Variants in ANK2 observed in about 807,000 individuals in gnomAD.
The protein encoded by ANK2 is ankyrin 2, also known as ankyrin-2.
Under a neutral mutation model 360.5 loss-of-function variants are expected in ANK2, and 83 were observed. The ratio of observed to expected loss-of-function variants is 0.23; its 90% confidence interval spans 0.19 to 0.28. The LOEUF is 0.28. ANK2 is among the 10% of genes least tolerant of loss of function. ANK2 has a pLI of 1.00. For missense variants in ANK2, 4,201 were observed against 4,795.7 expected, an observed-to-expected ratio of 0.88 and a Z score of 3.66; for synonymous variants, 1,740 against 1,759.5, an observed-to-expected ratio of 0.99 and a Z score of 0.28.
chr4:113,138,369 T>A (rs1005776330), intron 1 of ANK2, among the ~76,000 whole-genome samples: 3 of 152,250 alleles, frequency 2.0e-5, no homozygotes, highest in African/African-American at 7.2e-5. Flanking sequence ...AACTCTCTGA[T>A]GTCGGTGCAA....
At position 113,358,677 on chromosome 4, in the gene ANK2, C is replaced by T. The variant is rs1226202287; in HGVS notation, c.10059C>T (p.Pro3353=). Residue 3353 remains proline, a synonymous_variant, in exon 38 of 46, where the codon CCC becomes CCT. Coordinates refer to ENST00000357077, the MANE Select transcript of ANK2 (RefSeq NM_001148.6). ...KPKSKLPVKV[P]LQRVEQQLSD... ...AGTCCAAACTCCCTGTCAAAGTACC[C>T]CTCCAAAGAGTTGAACAGCAGCTCT... 1.9e-6 allele frequency: 3 copies of T among 1,613,956 alleles called. No individual in the cohort carries two copies. Among genetic ancestry groups the T allele is most frequent in the Non-Finnish European group, 8.5e-7 (1 of 1,179,936 alleles).
At chr4:112,911,188 CTT>C (rs751581640) in intron 2 of ANK2, among the ~76,000 whole-genome samples, 3 of 74,012 alleles carry the variant, frequency 4.1e-5, no homozygotes, top group Middle Eastern at 0.012. Context: ...CAAGATGGTG[CTT>C]TTTTTTTTTT....
chr4:113,177,584 A>T (rs2098265996), intron 2 of ANK2, among the ~76,000 whole-genome samples: 2 of 152,244 alleles, frequency 1.3e-5, no homozygotes, highest in South Asian at 4.1e-4. Context: ...TATAACAAAT[A>T]CATTAATTGT....
intron 2 of ANK2, among the ~76,000 whole-genome samples, chr4:112,920,032 C>G (rs186201290): frequency 6.6e-6 from 1 of 151,974 alleles, no homozygotes; most frequent in Non-Finnish European, 1.5e-5. Context: ...AGGGCCTTTT[C>G]AGATCATTTG....
At chr4:113,088,733 C>T (rs1333117058) in intron 1 of ANK2, among the ~76,000 whole-genome samples, 2 of 152,032 alleles carry the variant, frequency 1.3e-5, no homozygotes, top group South Asian at 2.1e-4. Flanking sequence ...ATGAATCCAC[C>T]GAACTGTCAC....
At chr4:112,740,104 A>G in the ANK2 span, among the ~76,000 whole-genome samples, 6 of 152,028 alleles carry the variant, frequency 3.9e-5, no homozygotes, top group Admixed American at 3.3e-4. Context: ...GTCTTTCTAA[A>G]TGTGGTTAGC....
intron 2 of ANK2, among the ~76,000 whole-genome samples, chr4:112,956,827 G>A (rs1344307431): frequency 6.6e-6 from 1 of 152,110 alleles, no homozygotes; most frequent in Non-Finnish European, 1.5e-5. Flanking sequence ...TCCTGATGCA[G>A]AAACTGAAAC....
intron 45 of ANK2, among the ~76,000 whole-genome samples, chr4:113,376,866 A>C (rs1350515206): frequency 7.1e-6 from 1 of 141,092 alleles, no homozygotes. Flanking sequence ...CTAGGCCTAC[A>C]CAAGGTCAGA....
At chr4:112,809,944 C>G in the ANK2 span, among the ~76,000 whole-genome samples, 1 of 150,930 alleles carries the variant, frequency 6.6e-6, no homozygotes, top group Non-Finnish European at 1.5e-5. Flanking sequence ...TACAACATTT[C>G]AAATATTAAA....
At chr4:112,885,496 C>CAA (rs11429383) in intron 1 of ANK2, among the ~76,000 whole-genome samples, 27,293 of 122,810 alleles carry the variant, frequency 0.22, 3,006 homozygotes, top group Non-Finnish European at 0.23. Context: ...AAGACTCCAT[C>CAA]AAAAAAAAAA....
At chr4:112,894,626 G>A (rs2081197749) in intron 1 of ANK2, among the ~76,000 whole-genome samples, 1 of 152,022 alleles carries the variant, frequency 6.6e-6, no homozygotes, top group African/African-American at 2.4e-5. Context: ...TAGAAAACAC[G>A]GTAAAATGCA....
chr4:112,705,646 G>A, the ANK2 span, among the ~76,000 whole-genome samples: 1 of 152,252 alleles, frequency 6.6e-6, no homozygotes, highest in South Asian at 2.1e-4. Flanking sequence ...AGCGCCCGCG[G>A]AGGAGCCTCC....
At chr4:112,812,437 C>T in the ANK2 span, among the ~76,000 whole-genome samples, 5 of 152,142 alleles carry the variant, frequency 3.3e-5, no homozygotes, top group African/African-American at 9.7e-5. Context: ...GAAATCCAAC[C>T]ACCCTGAAGC....
intron 35 of ANK2, 139 bp downstream of exon 35, chr4:113,346,161 CTGAT>C: frequency 5.9e-6 from 6 of 1,008,472 alleles, no homozygotes; most frequent in Non-Finnish European, 9.0e-6. Context: ...CCAACAAAGA[CTGAT>C]TGAAAGCATG....
the ANK2 span, among the ~76,000 whole-genome samples, chr4:112,727,320 G>A: frequency 2.0e-5 from 3 of 151,996 alleles, no homozygotes; most frequent in African/African-American, 7.2e-5. Context: ...TATGGTTGCT[G>A]TAAGGATTGA....
intron 4 of ANK2, among the ~76,000 whole-genome samples, chr4:113,229,273 G>A (rs1343947965): frequency 6.6e-6 from 1 of 152,176 alleles, no homozygotes; most frequent in African/African-American, 2.4e-5. Flanking sequence ...GAGGCTCTAG[G>A]TGAGAATCCC....
chr4:113,321,589 A>G (rs1307110547), intron 26 of ANK2, among the ~76,000 whole-genome samples: 1 of 152,208 alleles, frequency 6.6e-6, no homozygotes, highest in East Asian at 1.9e-4. Flanking sequence ...TCATCATACC[A>G]TGTCATGTAG....
intron 1 of ANK2, among the ~76,000 whole-genome samples, chr4:113,080,893 G>A (rs770848011): frequency 1.3e-5 from 2 of 152,140 alleles, no homozygotes; most frequent in Non-Finnish European, 2.9e-5. Flanking sequence ...AAGAGGATGG[G>A]CATAGGAAAG....
chr4:112,928,359 A>G (rs2092813138), intron 2 of ANK2, among the ~76,000 whole-genome samples: 1 of 151,652 alleles, frequency 6.6e-6, no homozygotes. Context: ...ATAGTATGAT[A>G]CTGTGGTATG....
Sources: gnomAD v4.1 joint callset for allele counts (sites outside exome capture counted in the v4.1 genomes callset) on GRCh38, gnomAD v4.1.1 for gene constraint, MANE v1.5 for transcripts, NCBI Gene and HGNC (gene_info 2026-07-23, HGNC 2026-07-21) for gene names.